ANO2: variants seen among roughly 807,000 people sequenced by gnomAD.
The protein encoded by ANO2 is anoctamin 2, also known as anoctamin-2.
ANO2 carries 101 observed loss-of-function variants against 124.2 expected under a neutral mutation model. The observed-to-expected ratio is 0.81, with a 90% confidence interval of 0.69 to 0.96. ANO2 has a LOEUF of 0.96. ANO2 is among the 40% of genes least tolerant of loss of function. The pLI, the probability that ANO2 is intolerant of heterozygous loss-of-function variation, is 0.00. For missense variants in ANO2, 1,293 were observed against 1,274.5 expected, an observed-to-expected ratio of 1.01 and a Z score of -0.22; for synonymous variants, 486 against 482.5, an observed-to-expected ratio of 1.01 and a Z score of -0.09.
At chr12:5,622,407 G>A (rs1182417216) in intron 16 of ANO2, among the ~76,000 whole-genome samples, 1 of 152,174 alleles carries the variant, frequency 6.6e-6, no homozygotes, top group Non-Finnish European at 1.5e-5. Context: ...CCATAAACAA[G>A]GAGCATTTCC....
Position 5,857,310 on chromosome 12 carries a change from T to C in ANO2, c.535-3169A>G, listed in dbSNP as rs374485705. ...AGAACAAGATCTGAATCCTTAGTTA[T>C]TGTGAATAGTCCTGCAATAAACATG... On this transcript the variant is annotated intron_variant, in intron 3 of 24. Transcript: ENST00000682330. Among the ~76,000 whole-genome samples, 189 of 152,352 alleles carry C rather than the reference T, an allele frequency of 1.2e-3. 1 individual carries two copies. Among genetic ancestry groups the C allele is most frequent in the African/African-American group, 3.7e-3 (155 of 41,590 alleles).
At chr12:5,895,871 G>T in intron 3 of ANO2, among the ~76,000 whole-genome samples, 1 of 152,130 alleles carries the variant, frequency 6.6e-6, no homozygotes, top group South Asian at 2.1e-4. Flanking sequence ...CAACTGCAAA[G>T]ATGGAGCCAA....
At chr12:5,940,630 G>A (rs1305410939) in intron 1 of ANO2, among the ~76,000 whole-genome samples, 2 of 152,340 alleles carry the variant, frequency 1.3e-5, no homozygotes, top group Admixed American at 6.5e-5. Context: ...ACAACTGCTG[G>A]TGAGTTTGTG....
intron 4 of ANO2, among the ~76,000 whole-genome samples, chr12:5,849,027 G>A (rs2137245561): frequency 6.6e-6 from 1 of 152,294 alleles, no homozygotes; most frequent in Non-Finnish European, 1.5e-5. Flanking sequence ...GGAGCTCTGA[G>A]CCTGCTTTCC....
rs1479253752 is a variant in ANO2, at chr12:5,647,687, T to C, written c.1620+40A>G. 6.2e-6 allele frequency: 9 copies of C among 1,444,222 alleles called. No individual in the cohort carries two copies. The South Asian group carries it at 8.3e-5, about 13-fold the overall frequency. 89.5% of individuals were successfully genotyped at this position (1,444,222 alleles called of 1,614,324 possible). On this transcript the variant is annotated intron_variant, in intron 15 of 24. Coordinates refer to ENST00000682330, the MANE Select transcript of ANO2 (RefSeq NM_001364791.2). ...CAGTAGTCACATAACAGCATCTACATGCATGCAGTCACAGGCAAGTGGTCC... is the reference window on the plus strand; with the variant it reads ...CAGTAGTCACATAACAGCATCTACACGCATGCAGTCACAGGCAAGTGGTCC...
intron 19 of ANO2, among the ~76,000 whole-genome samples, chr12:5,605,008 A>T (rs1474944922): frequency 6.6e-6 from 1 of 151,982 alleles, no homozygotes; most frequent in African/African-American, 2.4e-5. Context: ...TGTGCCCCAC[A>T]GGGTCACCCC....
intron 14 of ANO2, 81 bp from the exon 15 acceptor site, chr12:5,647,882 A>G: frequency 9.7e-7 from 1 of 1,034,264 alleles, no homozygotes; most frequent in Non-Finnish European, 1.5e-6. Context: ...ATATATTTGC[A>G]TGCGATTGAT....
chr12:5,773,600 T>C (rs1334888490), intron 10 of ANO2, among the ~76,000 whole-genome samples: 2 of 152,342 alleles, frequency 1.3e-5, no homozygotes, highest in South Asian at 2.1e-4. Context: ...AATTCAGTTA[T>C]GGATTAGAAA....
At chr12:5,720,433 T>C (rs1166475111) in intron 14 of ANO2, among the ~76,000 whole-genome samples, 3 of 152,094 alleles carry the variant, frequency 2.0e-5, no homozygotes, top group Non-Finnish European at 4.4e-5. Context: ...TCTAAGGAAG[T>C]GAAATAACGA....
intron 24 of ANO2, among the ~76,000 whole-genome samples, chr12:5,563,803 C>T (rs1291766409): frequency 6.6e-6 from 1 of 152,216 alleles, no homozygotes; most frequent in Non-Finnish European, 1.5e-5. Context: ...GGAGCATCTG[C>T]CGCAGTGCCT....
chr12:5,796,186 C>T (rs1020813810), intron 10 of ANO2, among the ~76,000 whole-genome samples: 6 of 151,344 alleles, frequency 4.0e-5, no homozygotes, highest in African/African-American at 1.5e-4. Context: ...CTCATGCACA[C>T]ACTCTCTCAC....
chr12:5,590,803 T>A (rs536599134), intron 20 of ANO2, among the ~76,000 whole-genome samples: 1 of 152,332 alleles, frequency 6.6e-6, no homozygotes, highest in South Asian at 2.1e-4. Flanking sequence ...TATAACTGTC[T>A]GTGTGCCCAT....
At chr12:5,867,559 C>A (rs967789797) in intron 3 of ANO2, among the ~76,000 whole-genome samples, 3 of 152,106 alleles carry the variant, frequency 2.0e-5, no homozygotes, top group African/African-American at 7.2e-5. Flanking sequence ...TACTGTGCTG[C>A]CCCGCACATC....
Position 5,732,550 on chromosome 12 carries a change from CA to C in ANO2, c.1514del (p.Leu505TrpfsTer17). The C allele has an allele frequency of 4.3e-6, 7 of 1,613,854 alleles. No homozygotes were observed. The highest frequency in any genetic ancestry group is 5.9e-6 in the Non-Finnish European group (7 of 1,179,840). ...KESNQSAVQK[L>X]ETNTTECGDE... ...CGCCACACTCCGTCGTGTTTGTTTCCAATTTCTGGACAGCAGACTGGTTGCT... is the reference window on the plus strand; with the variant it reads ...CGCCACACTCCGTCGTGTTTGTTTCCATTTCTGGACAGCAGACTGGTTGCT... On this transcript the variant is annotated frameshift_variant, in exon 14 of 25. Transcript: ENST00000682330. LOFTEE classifies it high-confidence loss of function.
Position 5,826,053 on chromosome 12 carries a change from T to C in ANO2, c.892+1716A>G, listed in dbSNP as rs555967725. On this transcript the variant is annotated intron_variant, in intron 7 of 24. Coordinates refer to ENST00000682330, the MANE Select transcript of ANO2 (RefSeq NM_001364791.2). ...AAAACATGTTTGTGCATGTATACACTTGCACTAAGAAATATCTTCATTTTA... is the reference window on the plus strand; with the variant it reads ...AAAACATGTTTGTGCATGTATACACCTGCACTAAGAAATATCTTCATTTTA... Among the ~76,000 whole-genome samples the C allele has an allele frequency of 8.7e-4, 133 of 152,342 alleles. 1 individual carries two copies. Among genetic ancestry groups the C allele is most frequent in the African/African-American group, 2.7e-3 (113 of 41,576 alleles).
intron 10 of ANO2, among the ~76,000 whole-genome samples, chr12:5,781,329 G>T (rs961668380): frequency 1.3e-5 from 2 of 152,184 alleles, no homozygotes; most frequent in Non-Finnish European, 2.9e-5. Context: ...CCTCACTCTT[G>T]CTAATTAATA....
chr12:5,809,107 T>C (rs916481851), intron 7 of ANO2, among the ~76,000 whole-genome samples: 1 of 151,684 alleles, frequency 6.6e-6, no homozygotes, highest in Non-Finnish European at 1.5e-5. Context: ...CTTTGTGGGG[T>C]GAGAGGAGCA....
rs372548075 is a variant in ANO2 at position 5,669,447 on chromosome 12, T to A, written c.1546-21646A>T. ...AGCTTAAGAAGTTTTGGGGCTGAGA[T>A]GATGGGGTTTTCTAGATATAGGAGC... On this transcript the variant is annotated intron_variant, in intron 14 of 24. Coordinates refer to ENST00000682330, the MANE Select transcript of ANO2 (RefSeq NM_001364791.2). 8.5e-5 allele frequency among the ~76,000 whole-genome samples: 13 copies of A among 152,324 alleles called. No homozygotes were observed. In the East Asian group the frequency reaches 1.9e-3, roughly 23 times the overall value.
intron 20 of ANO2, among the ~76,000 whole-genome samples, chr12:5,586,674 C>A (rs1398646919): frequency 1.3e-5 from 2 of 152,194 alleles, no homozygotes; most frequent in African/African-American, 4.8e-5. Context: ...AAGCTCAGGC[C>A]ATTCTGCTCC....
Sources: gnomAD v4.1 joint callset for allele counts (sites outside exome capture counted in the v4.1 genomes callset) on GRCh38, gnomAD v4.1.1 for gene constraint, MANE v1.5 for transcripts, NCBI Gene and HGNC (gene_info 2026-07-23, HGNC 2026-07-21) for gene names.